RANBP17: variants seen among roughly 807,000 people sequenced by gnomAD.
RANBP17 encodes the protein RAN binding protein 17.
RANBP17 carries 158 observed loss-of-function variants against 141.2 expected under a neutral mutation model. The ratio of observed to expected loss-of-function variants is 1.12; its 90% CI spans 0.98 to 1.28. RANBP17 has a LOEUF of 1.28. RANBP17 is among the 50% of genes most tolerant of loss of function. The pLI is 0.00. For missense variants in RANBP17, 1,438 were observed against 1,290.7 expected (o/e 1.11, Z -1.75); for synonymous variants, 430 against 450.0 (o/e 0.96, Z 0.56).
chr5:171,000,991 A>G (rs1779165854), intron 14 of RANBP17, among the ~76,000 whole-genome samples: 2 of 152,180 alleles, frequency 1.3e-5, no homozygotes, highest in South Asian at 4.1e-4. Flanking sequence ...GTATATGTGC[A>G]GGTCACGGGA....
chr5:171,127,605 A>C (rs1183171030), intron 14 of RANBP17, among the ~76,000 whole-genome samples: 2 of 152,234 alleles, frequency 1.3e-5, no homozygotes, highest in African/African-American at 2.4e-5. Flanking sequence ...ATATGAAAAA[A>C]ATCTTCACTA....
chr5:171,044,978 T>C (rs1010923972), intron 14 of RANBP17, among the ~76,000 whole-genome samples: 46 of 152,202 alleles, frequency 3.0e-4, no homozygotes, highest in African/African-American at 1.1e-3. Context: ...TGTGAATTCA[T>C]TTTAATAAAT....
intron 14 of RANBP17, among the ~76,000 whole-genome samples, chr5:171,076,837 T>G (rs1326725608): frequency 2.0e-5 from 3 of 152,062 alleles, no homozygotes; most frequent in African/African-American, 7.2e-5. Context: ...GGGAAAAAAA[T>G]CCAACATTTA....
intron 22 of RANBP17, among the ~76,000 whole-genome samples, chr5:171,227,605 A>G (rs1363565338): frequency 1.3e-5 from 2 of 152,250 alleles, no homozygotes; most frequent in African/African-American, 4.8e-5. Context: ...CATTTTGATG[A>G]AGGTGGCTAC....
chr5:170,936,237 G>A (rs776895749), intron 12 of RANBP17, among the ~76,000 whole-genome samples: 1 of 152,090 alleles, frequency 6.6e-6, no homozygotes, highest in Non-Finnish European at 1.5e-5. Context: ...GACCTCTTGC[G>A]CTTCCAGGGT....
intron 12 of RANBP17, among the ~76,000 whole-genome samples, chr5:170,932,016 A>G (rs1254881334): frequency 6.6e-6 from 1 of 152,006 alleles, no homozygotes; most frequent in Admixed American, 6.6e-5. Flanking sequence ...CATTTTCATG[A>G]TATTGATTCT....
intron 25 of RANBP17, 123 bp from the exon 26 acceptor site, chr5:171,293,760 C>T: frequency 1.3e-6 from 1 of 750,034 alleles, no homozygotes; most frequent in Admixed American, 1.9e-5. Flanking sequence ...GTCCGTTTGT[C>T]CAGAAAGAGC....
intron 22 of RANBP17, among the ~76,000 whole-genome samples, chr5:171,237,471 C>A (rs1764612984): frequency 6.6e-6 from 1 of 152,152 alleles, no homozygotes; most frequent in Non-Finnish European, 1.5e-5. Flanking sequence ...GTTAATCATT[C>A]AATTCACAGT....
intron 12 of RANBP17, among the ~76,000 whole-genome samples, chr5:170,929,550 G>A (rs1345227216): frequency 2.0e-5 from 3 of 152,050 alleles, no homozygotes; most frequent in Admixed American, 2.0e-4. Context: ...AACCAGCTTT[G>A]CATTCTCAGG....
At chr5:170,912,844 T>C (rs1380637272) in intron 7 of RANBP17, among the ~76,000 whole-genome samples, 1 of 151,978 alleles carries the variant, frequency 6.6e-6, no homozygotes, top group East Asian at 1.9e-4. Context: ...TATGCATTTT[T>C]GGATTGAAAG....
chr5:171,277,938 C>CTTTTTTTTTTTTTTTTTTTTT (rs140208253), intron 25 of RANBP17, among the ~76,000 whole-genome samples: 1 of 72,266 alleles, frequency 1.4e-5, no homozygotes, highest in African/African-American at 5.7e-5. Flanking sequence ...GGACTTCTTT[C>CTTTTTTTTTTTTTTTTTTTTT]TTTTTTTTTT....
chr5:171,037,872 G>T (rs1013249621), intron 14 of RANBP17, among the ~76,000 whole-genome samples: 1 of 152,026 alleles, frequency 6.6e-6, no homozygotes, highest in African/African-American at 2.4e-5. Flanking sequence ...CTCCAGATTT[G>T]TTCTTTTTGT....
chr5:171,293,066 G>A (rs1768597935), intron 25 of RANBP17, among the ~76,000 whole-genome samples: 1 of 152,080 alleles, frequency 6.6e-6, no homozygotes, highest in South Asian at 2.1e-4. Context: ...TCTTTGCTTA[G>A]AACACATTTA....
intron 5 of RANBP17, chr5:170,897,081 C>T: frequency 1.2e-6 from 1 of 830,582 alleles, no homozygotes; most frequent in African/African-American, 1.7e-5. Context: ...TGGATACCAG[C>T]TGTCTTGATT....
At chr5:170,917,426 A>C (rs973376625) in intron 9 of RANBP17, among the ~76,000 whole-genome samples, 2 of 152,152 alleles carry the variant, frequency 1.3e-5, no homozygotes, top group Admixed American at 6.5e-5. Flanking sequence ...TGCTTACATA[A>C]AATATTTTGT....
intron 20 of RANBP17, among the ~76,000 whole-genome samples, chr5:171,210,592 C>A (rs1473510721): frequency 3.3e-5 from 5 of 152,046 alleles, no homozygotes; most frequent in African/African-American, 4.8e-5. Context: ...TCAGGAGGTC[C>A]CTTGGTGGAA....
chr5:171,202,265 C>G (rs556008555), intron 19 of RANBP17, among the ~76,000 whole-genome samples: 69 of 152,190 alleles, frequency 4.5e-4, no homozygotes, highest in African/African-American at 1.6e-3. Context: ...CTGACAAATC[C>G]TAGCTTTAGA....
intron 14 of RANBP17, among the ~76,000 whole-genome samples, chr5:171,082,322 C>A (rs957231158): frequency 3.3e-5 from 5 of 152,024 alleles, no homozygotes; most frequent in Middle Eastern, 3.2e-3. Context: ...TTTCTGGGAG[C>A]CTGAAGTTTT....
chr5:171,101,650 G>A (rs1787174338), intron 14 of RANBP17, among the ~76,000 whole-genome samples: 1 of 152,144 alleles, frequency 6.6e-6, no homozygotes, highest in Non-Finnish European at 1.5e-5. Flanking sequence ...GATGCTAGCT[G>A]GTTATTTTGC....
Sources: allele counts gnomAD v4.1 joint callset (sites outside exome capture counted in the v4.1 genomes callset), GRCh38; gene constraint gnomAD v4.1.1; transcripts MANE v1.5; gene names NCBI Gene and HGNC (gene_info 2026-07-23, HGNC 2026-07-21).